ATP8B4: variants seen among roughly 807,000 people sequenced by gnomAD.
ATP8B4 encodes the protein probable phospholipid-transporting ATPase IM.
In ATP8B4, 133 loss-of-function variants were observed where a neutral mutation model predicts 145.6. That is an observed-to-expected ratio of 0.91 (90% CI 0.79 to 1.05). The LOEUF (loss-of-function observed/expected upper bound fraction) is 1.05, where lower values mean the gene tolerates loss of function less well. ATP8B4 is among the 50% of genes least tolerant of loss of function. ATP8B4 has a pLI of 0.00. For synonymous variants in ATP8B4, 507 were observed against 492.9 expected (o/e 1.03, Z -0.38); for missense variants, 1,458 against 1,425.2 (o/e 1.02, Z -0.37).
chr15:50,045,706 AG>A (rs1454864890), intron 4 of ATP8B4, among the ~76,000 whole-genome samples: 1 of 152,218 alleles, frequency 6.6e-6, no homozygotes, highest in Non-Finnish European at 1.5e-5. Context: ...TCATGGTGAA[AG>A]CTTTACCACC....
chr15:49,884,797 C>T (rs558192487), intron 23 of ATP8B4, among the ~76,000 whole-genome samples: 78 of 152,128 alleles, frequency 5.1e-4, no homozygotes, highest in African/African-American at 1.8e-3. Context: ...GGCAGGCAAG[C>T]GAGCCTGAGC....
At chr15:50,130,686 G>T (rs1374886831) in intron 1 of ATP8B4, among the ~76,000 whole-genome samples, 1 of 152,182 alleles carries the variant, frequency 6.6e-6, no homozygotes, top group East Asian at 1.9e-4. Flanking sequence ...TGAGGCAGGA[G>T]AATTGCTTGA....
intron 1 of ATP8B4, among the ~76,000 whole-genome samples, chr15:50,133,635 C>T (rs951129516): frequency 6.6e-6 from 1 of 151,826 alleles, no homozygotes; most frequent in Admixed American, 6.6e-5. Flanking sequence ...GAAAGTCAAA[C>T]TCACAGAAGC....
At chr15:49,880,282 G>T (rs1328791829) in intron 23 of ATP8B4, 1 of 152,180 alleles carries the variant, frequency 6.6e-6, no homozygotes, top group Non-Finnish European at 1.5e-5. Context: ...GATAAGACCT[G>T]AAGGAAATGG....
chr15:50,078,961 G>A (rs949132588), intron 2 of ATP8B4, among the ~76,000 whole-genome samples: 1 of 152,124 alleles, frequency 6.6e-6, no homozygotes, highest in East Asian at 1.9e-4. Flanking sequence ...TACAGACAAC[G>A]ACCATCTACA....
chr15:50,074,030 G>A, intron 3 of ATP8B4, 97 bp downstream of exon 3: 1 of 1,052,200 alleles, frequency 9.5e-7, no homozygotes, highest in Non-Finnish European at 1.4e-6. Context: ...AATGAAGAAA[G>A]TTTTTGGTGA....
intron 3 of ATP8B4, among the ~76,000 whole-genome samples, chr15:50,053,631 G>A (rs1376808394): frequency 1.3e-5 from 2 of 152,078 alleles, no homozygotes; most frequent in Non-Finnish European, 2.9e-5. Flanking sequence ...CAGACAAATA[G>A]TAGACATAAC....
intron 6 of ATP8B4, among the ~76,000 whole-genome samples, chr15:50,036,277 C>G (rs1167771246): frequency 6.6e-6 from 1 of 152,070 alleles, no homozygotes; most frequent in African/African-American, 2.4e-5. Context: ...GTCCTCAGCC[C>G]GAGCTCAAGG....
At chr15:49,897,546 C>A in intron 22 of ATP8B4, 31 bp from the exon 23 acceptor site, 1 of 1,441,972 alleles carries the variant, frequency 6.9e-7, no homozygotes, top group Non-Finnish European at 9.2e-7. Flanking sequence ...CTGTCACTCC[C>A]AAAACAAAGC....
chr15:49,903,664 C>T lies in ATP8B4; in HGVS notation c.2142-2425G>A, dbSNP rs749590643. Among the ~76,000 whole-genome samples the T allele has an allele frequency of 5.1e-4, 78 of 152,270 alleles. 1 individual carries two copies. Among genetic ancestry groups the T allele is most frequent in the Non-Finnish European group, 9.0e-4 (61 of 68,004 alleles). On this transcript the variant is annotated intron_variant, in intron 20 of 27. Transcript: ENST00000284509. Reference sequence around the variant, plus strand: ...ATCCCAGCATTTGGGGAGGCTGAGGCGGGCAGATCACCTGAGGTCAGGAGT... The same window carrying T: ...ATCCCAGCATTTGGGGAGGCTGAGGTGGGCAGATCACCTGAGGTCAGGAGT...
At chr15:49,953,120 C>T (rs764995724) in intron 14 of ATP8B4, among the ~76,000 whole-genome samples, 21 of 152,098 alleles carry the variant, frequency 1.4e-4, no homozygotes, top group Non-Finnish European at 2.8e-4. Context: ...GGGGCACCAA[C>T]CTGATGCCAG....
At chr15:50,027,297 T>C (rs576273465) in intron 6 of ATP8B4, among the ~76,000 whole-genome samples, 2 of 152,258 alleles carry the variant, frequency 1.3e-5, no homozygotes, top group African/African-American at 4.8e-5. Context: ...GGCAGTGACA[T>C]GGGTCCTAAT....
At chr15:49,880,586 A>G (rs1437292424) in intron 23 of ATP8B4, 2 of 152,196 alleles carry the variant, frequency 1.3e-5, no homozygotes, top group Non-Finnish European at 2.9e-5. Context: ...TTTTAACAGG[A>G]TTACTCTGGA....
intron 6 of ATP8B4, among the ~76,000 whole-genome samples, chr15:50,012,383 A>C (rs780394725): frequency 6.6e-6 from 1 of 152,192 alleles, no homozygotes; most frequent in Non-Finnish European, 1.5e-5. Context: ...TGTCTCAGGA[A>C]GAAGTCAAGA....
chr15:49,924,861 A>G (rs992222484), intron 16 of ATP8B4, among the ~76,000 whole-genome samples: 55 of 152,284 alleles, frequency 3.6e-4, no homozygotes, highest in African/African-American at 1.3e-3. Flanking sequence ...TAATTGTTAA[A>G]CCAGGGGGGG....
chr15:49,911,135 A>G (rs1446349482), intron 20 of ATP8B4, among the ~76,000 whole-genome samples: 1 of 152,132 alleles, frequency 6.6e-6, no homozygotes. Flanking sequence ...AACCTCACAT[A>G]TCAATAGCAA....
At chr15:50,026,484 C>A (rs138397114) in intron 6 of ATP8B4, among the ~76,000 whole-genome samples, 269 of 152,282 alleles carry the variant, frequency 1.8e-3, no homozygotes, top group African/African-American at 6.2e-3. Context: ...GAAGTACTGA[C>A]CAGTGCTGTG....
At chr15:50,161,550 A>G (rs1421479254) in intron 1 of ATP8B4, among the ~76,000 whole-genome samples, 1 of 151,940 alleles carries the variant, frequency 6.6e-6, no homozygotes, top group Admixed American at 6.6e-5. Flanking sequence ...ATTTGAAGTT[A>G]CCATGAGGCT....
chr15:49,930,863 T>C (rs925095460), intron 16 of ATP8B4, among the ~76,000 whole-genome samples: 11 of 152,046 alleles, frequency 7.2e-5, no homozygotes, highest in African/African-American at 2.7e-4. Context: ...TTAAAATTTT[T>C]TTATATTTTT....
Sources: gnomAD v4.1 joint callset for allele counts (sites outside exome capture counted in the v4.1 genomes callset) on GRCh38, gnomAD v4.1.1 for gene constraint, MANE v1.5 for transcripts, NCBI Gene and HGNC (gene_info 2026-07-23, HGNC 2026-07-21) for gene names.